The following SGCZ variants were observed in gnomAD, a reference collection of about 807,000 sequenced individuals.
The protein encoded by SGCZ is sarcoglycan zeta.
A neutral mutation model predicts 41.3 loss-of-function variants in SGCZ; 40 were observed. The observed-to-expected ratio is 0.97, with a 90% CI of 0.75 to 1.26. The LOEUF (loss-of-function observed/expected upper bound fraction) is 1.26, where lower values mean the gene tolerates loss of function less well. SGCZ is among the 50% of genes most tolerant of loss of function. The pLI is 0.00. For missense variants in SGCZ, 552 were observed against 369.8 expected (o/e 1.49, Z -4.04); for synonymous variants, 206 against 137.5 (o/e 1.50, Z -3.49).
chr8:14,565,490 A>C (rs1563414593), intron 1 of SGCZ, among the ~76,000 whole-genome samples: 1 of 152,078 alleles, frequency 6.6e-6, no homozygotes, highest in Non-Finnish European at 1.5e-5. Flanking sequence ...ATGGAGAGAT[A>C]AAACAACAAA....
chr8:14,187,665 T>C (rs1044075312), intron 4 of SGCZ, among the ~76,000 whole-genome samples: 2 of 151,348 alleles, frequency 1.3e-5, no homozygotes, highest in African/African-American at 2.4e-5. Flanking sequence ...ATAAAATCTG[T>C]AGAGAGAAAA....
intron 1 of SGCZ, among the ~76,000 whole-genome samples, chr8:15,106,806 TC>T (rs569590532): frequency 1.1e-3 from 162 of 152,244 alleles, no homozygotes; most frequent in African/African-American, 3.9e-3. Context: ...CATTCTTGTT[TC>T]CCACTTTACT....
chr8:14,112,291 G>GC (rs1233914462), intron 5 of SGCZ, among the ~76,000 whole-genome samples: 101 of 149,612 alleles, frequency 6.8e-4, no homozygotes, highest in Middle Eastern at 3.5e-3. Flanking sequence ...TGTGGGGGGG[G>GC]GGTGCAAAGA....
chr8:14,118,480 G>T (rs184897479), intron 5 of SGCZ, among the ~76,000 whole-genome samples: 1 of 152,266 alleles, frequency 6.6e-6, no homozygotes, highest in African/African-American at 2.4e-5. Context: ...CAGATAAAGA[G>T]ATTGCAAAAA....
chr8:14,146,077 C>A lies in SGCZ; in HGVS notation c.547+18503G>T, dbSNP rs940255375. 2.0e-5 allele frequency among the ~76,000 whole-genome samples: 3 copies of A among 152,010 alleles called. 1 individual carries two copies. The South Asian group carries it at 6.2e-4, about 32-fold the overall frequency. ...CAAGCCTAAAGAAAGATATCAATAT[C>A]CAAGTACAAGAAGGTTATACAACAC... On this transcript the variant is annotated intron_variant, in intron 5 of 7. Transcript: ENST00000382080.
At chr8:14,147,925 AG>A (rs141903422) in intron 5 of SGCZ, among the ~76,000 whole-genome samples, 1 of 152,274 alleles carries the variant, frequency 6.6e-6, no homozygotes, top group Non-Finnish European at 1.5e-5. Flanking sequence ...ACAAATACCT[AG>A]AAATTAAACC....
intron 1 of SGCZ, among the ~76,000 whole-genome samples, chr8:14,714,724 T>G (rs997506818): frequency 2.0e-5 from 3 of 151,812 alleles, no homozygotes; most frequent in African/African-American, 7.3e-5. Flanking sequence ...TCCAGAAAAA[T>G]ACTAGAAAAA....
At chr8:14,678,577 A>G (rs1011511134) in intron 1 of SGCZ, among the ~76,000 whole-genome samples, 13 of 152,250 alleles carry the variant, frequency 8.5e-5, no homozygotes, top group African/African-American at 2.9e-4. Context: ...ATTCTCATCC[A>G]TTGCTGGTAA....
intron 2 of SGCZ, among the ~76,000 whole-genome samples, chr8:14,537,581 C>T (rs1440972979): frequency 6.7e-6 from 1 of 150,352 alleles, no homozygotes; most frequent in Non-Finnish European, 1.5e-5. Context: ...ACTTCTTGAG[C>T]TCTTCTCCTG....
chr8:14,513,080 G>A (rs1802512439), intron 2 of SGCZ, among the ~76,000 whole-genome samples: 1 of 152,096 alleles, frequency 6.6e-6, no homozygotes, highest in African/African-American at 2.4e-5. Context: ...ACAGTGAAGA[G>A]TAACACACAG....
chr8:14,092,201 T>G (rs551566584), intron 7 of SGCZ, among the ~76,000 whole-genome samples: 1 of 152,230 alleles, frequency 6.6e-6, no homozygotes, highest in African/African-American at 2.4e-5. Context: ...ACCAGGACTA[T>G]GCTGTTTTGG....
intron 1 of SGCZ, among the ~76,000 whole-genome samples, chr8:14,689,261 G>C (rs973664063): frequency 6.6e-6 from 1 of 151,918 alleles, no homozygotes; most frequent in Non-Finnish European, 1.5e-5. Flanking sequence ...GAAAAAGTTT[G>C]AATAACTTAA....
At chr8:14,287,813 G>C (rs1302261767) in intron 3 of SGCZ, among the ~76,000 whole-genome samples, 2 of 152,128 alleles carry the variant, frequency 1.3e-5, no homozygotes, top group Admixed American at 1.3e-4. Flanking sequence ...TTCTTGGTTT[G>C]GGCAGTGATT....
intron 1 of SGCZ, among the ~76,000 whole-genome samples, chr8:15,078,403 T>G (rs1290554055): frequency 1.3e-5 from 2 of 151,950 alleles, no homozygotes; most frequent in African/African-American, 2.4e-5. Flanking sequence ...TTGAATGTAC[T>G]CTCTATCTCA....
intron 1 of SGCZ, among the ~76,000 whole-genome samples, chr8:14,808,304 A>G (rs1422844076): frequency 1.3e-5 from 2 of 151,996 alleles, no homozygotes; most frequent in Non-Finnish European, 2.9e-5. Context: ...AACCTACAAA[A>G]TGGGAGAAAA....
At chr8:14,240,812 C>G (rs1798857219) in intron 3 of SGCZ, among the ~76,000 whole-genome samples, 1 of 152,144 alleles carries the variant, frequency 6.6e-6, no homozygotes, top group Non-Finnish European at 1.5e-5. Context: ...AGACCCATTG[C>G]TCATGCATTT....
intron 3 of SGCZ, among the ~76,000 whole-genome samples, chr8:14,286,532 T>A (rs1379905584): frequency 6.6e-6 from 1 of 152,160 alleles, no homozygotes; most frequent in Non-Finnish European, 1.5e-5. Context: ...CGAGTTTAAA[T>A]GACAGCAGTA....
intron 3 of SGCZ, among the ~76,000 whole-genome samples, chr8:14,311,655 A>G (rs10090478): frequency 0.012 from 1,765 of 152,332 alleles, 32 homozygotes; most frequent in African/African-American, 0.04. Flanking sequence ...CATCAGGAAT[A>G]ATGAGGTCAG....
At chr8:14,646,634 A>C (rs1410957787) in intron 1 of SGCZ, among the ~76,000 whole-genome samples, 1 of 150,034 alleles carries the variant, frequency 6.7e-6, no homozygotes, top group East Asian at 1.9e-4. Flanking sequence ...GAAATTTCTG[A>C]ACTTCTTTCC....
Sources: gnomAD v4.1 joint callset for allele counts (sites outside exome capture counted in the v4.1 genomes callset) on GRCh38, gnomAD v4.1.1 for gene constraint, MANE v1.5 for transcripts, NCBI Gene and HGNC (gene_info 2026-07-23, HGNC 2026-07-21) for gene names.